Variants in PSORS1C1 observed in about 807,000 individuals in gnomAD.
The protein encoded by PSORS1C1 is psoriasis susceptibility 1 candidate gene 1 protein.
Under a neutral mutation model 9.4 loss-of-function variants are expected in PSORS1C1, and 7 were observed. The ratio of observed to expected loss-of-function variants is 0.75; its 90% CI spans 0.42 to 1.40. PSORS1C1 has a LOEUF of 1.40. Ranked by LOEUF, PSORS1C1 falls within the 40% of genes most tolerant of loss-of-function variation. PSORS1C1 has a pLI of 0.01. For synonymous variants in PSORS1C1, 63 were observed against 69.4 expected, an observed-to-expected ratio of 0.91 and a Z score of 0.46; for missense variants, 146 against 178.1, an observed-to-expected ratio of 0.82 and a Z score of 1.02.
intron 3 of PSORS1C1, among the ~76,000 whole-genome samples, chr6:31,131,434 A>T (rs191335798): frequency 6.6e-6 from 1 of 151,966 alleles, no homozygotes; most frequent in African/African-American, 2.4e-5. Context: ...TCTACTAAAA[A>T]AAAACTACAA....
At chr6:31,136,592 G>A (rs1773149641) in intron 3 of PSORS1C1, among the ~76,000 whole-genome samples, 1 of 152,068 alleles carries the variant, frequency 6.6e-6, no homozygotes, top group Non-Finnish European at 1.5e-5. Flanking sequence ...ACACCCCTGG[G>A]AAGGTTTGCA....
chr6:31,140,078 C>T lies in PSORS1C1; in HGVS notation c.*146C>T. The T allele has an allele frequency of 1.3e-6, 1 of 743,164 alleles. No homozygotes were observed. 46.0% of individuals were successfully genotyped at this position (743,164 alleles called of 1,614,324 possible). On this transcript the variant is annotated 3_prime_UTR_variant, in exon 6 of 6. Transcript: ENST00000259881. This position sits in a 1 kb window ranked among gnomAD's most constrained non-coding sequence, Gnocchi z 4.6. ...TGGTCCGCTACCCCACAGTAAGGAA[C>T]ACCTTATTATGCAATGGCGTGATCT... is the stretch of plus-strand genomic sequence containing the variant.
rs187491994 is a variant in PSORS1C1 at position 31,125,233 on chromosome 6, G to T, written c.-228-443G>T. ...ACCCAGAGCTGCTCTGGGGCTCCAG[G>T]GCCTGTGGGCTCCTCCCCTCCTTTG... On this transcript the variant is annotated intron_variant, in intron 1 of 5. Coordinates refer to ENST00000259881, the MANE Select transcript of PSORS1C1 (RefSeq NM_014068.3). Among the ~76,000 whole-genome samples, 93 of 152,130 alleles carry T rather than the reference G, an allele frequency of 6.1e-4. No homozygotes were observed. In the East Asian group the frequency reaches 8.0e-3, roughly 13 times the overall value.
intron 1 of PSORS1C1, among the ~76,000 whole-genome samples, chr6:31,119,422 A>G (rs1218118047): frequency 1.3e-5 from 2 of 152,230 alleles, no homozygotes; most frequent in Non-Finnish European, 2.9e-5. Context: ...CTCAAGGGCT[A>G]TAAGTACCCG....
In PSORS1C1 at chr6:31,139,816, C is replaced by G. The variant is rs1773354251; in HGVS notation, c.343C>G (p.Gln115Glu). The change falls in exon 6 of 6, where the codon CAG (glutamine) becomes GAG (glutamate). Residue 115 changes from glutamine (Q) to glutamate (E), a missense_variant. Transcript: ENST00000259881. The surrounding 1 kb of genome is among the most constrained non-coding windows in gnomAD (Gnocchi z 5.2). ...AGAAGCTGCCAGGCTCCAGCAACCT[C>G]AGCCCCTTCCTCCTCCCTCAGGAAT... is the stretch of plus-strand genomic sequence containing the variant. ...PEEAARLQQP[Q>E]PLPPPSGIHL... The G allele has an allele frequency of 1.9e-6, 3 of 1,613,158 alleles. No individual in the cohort carries two copies. The East Asian group carries it at 6.7e-5, about 36-fold the overall frequency.
intron 1 of PSORS1C1, chr6:31,116,199 A>T: frequency 1.2e-6 from 2 of 1,613,712 alleles, no homozygotes; most frequent in South Asian, 1.1e-5. Context: ...GGGGAGAGCC[A>T]TCGGGGCCCC....
intron 1 of PSORS1C1, among the ~76,000 whole-genome samples, chr6:31,123,056 CT>C (rs759188096): frequency 1.4e-4 from 22 of 152,312 alleles, no homozygotes; most frequent in Non-Finnish European, 2.8e-4. Flanking sequence ...GTCTTGTTTT[CT>C]TTGTCACATT....
At chr6:31,129,007 G>A (rs1332907572) in intron 2 of PSORS1C1, among the ~76,000 whole-genome samples, 1 of 152,174 alleles carries the variant, frequency 6.6e-6, no homozygotes, top group African/African-American at 2.4e-5. Context: ...CAAATGAATG[G>A]TTTGGAGTTT....
chr6:31,138,116 C>T (rs546185583), intron 3 of PSORS1C1: 3 of 1,603,702 alleles, frequency 1.9e-6, no homozygotes, highest in East Asian at 2.2e-5. Flanking sequence ...GTTCAGGGAG[C>T]CAGACTCCAG....
intron 1 of PSORS1C1, among the ~76,000 whole-genome samples, chr6:31,119,289 C>T (rs1283609767): frequency 6.6e-6 from 1 of 152,184 alleles, no homozygotes; most frequent in Non-Finnish European, 1.5e-5. Flanking sequence ...ACCTCCACGC[C>T]GAACCCCAGC....
At chr6:31,134,521 G>T (rs1206751262) in intron 3 of PSORS1C1, among the ~76,000 whole-genome samples, 1 of 151,712 alleles carries the variant, frequency 6.6e-6, no homozygotes, top group African/African-American at 2.4e-5. Flanking sequence ...TAGCCAGGAT[G>T]GTCTCGATCT....
rs777678683 is a variant in PSORS1C1 at position 31,139,968 on chromosome 6, G to T, written c.*36G>T. The stretch of plus-strand genomic sequence containing the variant: ...GAGACCCCTAGAACGTTTCCCTCAA[G>T]GACCTTTCTGCCTGGAAGTCTGTTA... On this transcript the variant is annotated 3_prime_UTR_variant, in exon 6 of 6. Coordinates refer to ENST00000259881, the MANE Select transcript of PSORS1C1 (RefSeq NM_014068.3). The surrounding 1 kb of genome is among the most constrained non-coding windows in gnomAD (Gnocchi z 5.2). 3 of 1,570,816 alleles carry T rather than the reference G, an allele frequency of 1.9e-6. No homozygotes were observed. Among genetic ancestry groups the T allele is most frequent in the Non-Finnish European group, 2.6e-6 (3 of 1,146,682 alleles).
chr6:31,117,594 C>G, intron 1 of PSORS1C1: 1 of 1,401,606 alleles, frequency 7.1e-7, no homozygotes, highest in Non-Finnish European at 9.9e-7. Context: ...ACCTTTCTGC[C>G]TTATCTCAGT....
intron 1 of PSORS1C1, chr6:31,116,969 G>T (rs749498091): frequency 6.2e-7 from 1 of 1,614,198 alleles, no homozygotes; most frequent in Admixed American, 1.7e-5. Flanking sequence ...CTACAGGGAC[G>T]CTGGTTGGAG....
rs377391168 is a variant in PSORS1C1, at chr6:31,128,048, G to A, written c.-64-1521G>A. Among the ~76,000 whole-genome samples the A allele has an allele frequency of 3.7e-4, 57 of 152,308 alleles. No homozygotes were observed. In the East Asian group the frequency reaches 8.1e-3, roughly 22 times the overall value. ...CGCTGGCTCATGAAATAATCAGGGA[G>A]AGAATGTGTAAATGATGATCGTGAG... On this transcript the variant is annotated intron_variant, in intron 2 of 5. Transcript: ENST00000259881. The surrounding 1 kb of genome is among the most constrained non-coding windows in gnomAD (Gnocchi z 4.3).
intron 3 of PSORS1C1, among the ~76,000 whole-genome samples, chr6:31,132,626 G>T (rs1347359590): frequency 6.6e-6 from 1 of 152,206 alleles, no homozygotes; most frequent in Non-Finnish European, 1.5e-5. Flanking sequence ...AAGGCAGGAA[G>T]ATTGCTTGAG....
At chr6:31,130,542 G>C (rs1011604792) in intron 3 of PSORS1C1, among the ~76,000 whole-genome samples, 4 of 152,014 alleles carry the variant, frequency 2.6e-5, no homozygotes, top group African/African-American at 9.7e-5. Flanking sequence ...CTCCCGAGTA[G>C]CTGGGACTAC....
At chr6:31,117,241 A>C (rs1562753122) in intron 1 of PSORS1C1, 1 of 1,612,582 alleles carries the variant, frequency 6.2e-7, no homozygotes, top group Non-Finnish European at 8.5e-7. Flanking sequence ...TGCACCTTGT[A>C]GACTAGAGCC....
chr6:31,116,728 T>C (rs758844723), intron 1 of PSORS1C1: 1 of 1,612,902 alleles, frequency 6.2e-7, no homozygotes, highest in Non-Finnish European at 8.5e-7. Context: ...CACCACCTCG[T>C]AGCCACCATA....
Sources: gnomAD v4.1 joint callset for allele counts (sites outside exome capture counted in the v4.1 genomes callset) on GRCh38, gnomAD v4.1.1 for gene constraint, Gnocchi (gnomAD v3.1) non-coding constraint, MANE v1.5 for transcripts, NCBI Gene and HGNC (gene_info 2026-07-23, HGNC 2026-07-21) for gene names.